The following NMT2 variants were observed in gnomAD, a reference collection of about 807,000 sequenced individuals.
NMT2 encodes the protein N-myristoyltransferase 2.
A neutral mutation model predicts 65.4 loss-of-function variants in NMT2; 35 were observed. That is an observed-to-expected ratio of 0.54 (90% CI 0.41 to 0.71). The LOEUF (loss-of-function observed/expected upper bound fraction) is 0.71. Among genes scored for constraint, NMT2 ranks in the 30% least tolerant of loss-of-function variants. NMT2 has a pLI of 0.00. For synonymous variants in NMT2, 226 were observed against 231.8 expected (o/e 0.98, Z 0.23); for missense variants, 489 against 611.3 (o/e 0.80, Z 2.11).
At chr10:15,137,884 A>T (rs1345764890) in intron 2 of NMT2, among the ~76,000 whole-genome samples, 1 of 152,122 alleles carries the variant, frequency 6.6e-6, no homozygotes, top group African/African-American at 2.4e-5. Flanking sequence ...CTTCAGAGTG[A>T]TTTATTCCCT....
chr10:15,112,210 ATATATATTTTTTTTTTTTTTTTTTTTT>A (rs1373178551), intron 10 of NMT2, among the ~76,000 whole-genome samples: 8 of 17,762 alleles, frequency 4.5e-4, no homozygotes, highest in Admixed American at 1.0e-3. Context: ...ATATATATAT[ATATATATTTTTTTTTTTTTTTTTTTTT>A]TTTTTTTTTT....
Position 15,108,135 on chromosome 10 carries a change from T to C in NMT2, c.*1060A>G, listed in dbSNP as rs1421805541. 18 of 985,182 alleles carry C rather than the reference T, an allele frequency of 1.8e-5. No homozygotes were observed. Among genetic ancestry groups the C allele is most frequent in the Non-Finnish European group, 2.0e-5 (17 of 829,904 alleles). The allele number at this position is 985,182 out of a possible 1,614,324, so 61.0% of individuals were successfully genotyped here. ...ATCCTTGATGTTGCTGAGAAGAAAC[T>C]GAACTTTGCACAACAGCAGAAAAGT... On this transcript the variant is annotated 3_prime_UTR_variant, in exon 12 of 12. Coordinates refer to ENST00000378165, the MANE Select transcript of NMT2 (RefSeq NM_004808.3).
In NMT2 at chr10:15,108,017, A is replaced by C; in HGVS notation, c.*1178T>G. On this transcript the variant is annotated 3_prime_UTR_variant, in exon 12 of 12. Transcript: ENST00000378165. ...ATGTGCAATTTTGCATAAGTAATAA[A>C]AACATTCAAACTATCAATGCCCTGA... 1 of 985,852 alleles carries C rather than the reference A, an allele frequency of 1.0e-6. No individual in the cohort carries two copies. The highest frequency in any genetic ancestry group is 1.2e-6 in the Non-Finnish European group (1 of 829,930). The allele number at this position is 985,852 out of a possible 1,614,324, so 61.1% of individuals were successfully genotyped here. A position where few individuals can be genotyped will look rare whatever the true frequency, so the allele number is the denominator to read the frequency against.
At chr10:15,118,897 G>GA (rs906219394) in intron 9 of NMT2, among the ~76,000 whole-genome samples, 1 of 152,206 alleles carries the variant, frequency 6.6e-6, no homozygotes, top group African/African-American at 2.4e-5. Flanking sequence ...ATATGCCCTG[G>GA]AAAGCAGTTC....
Position 15,106,720 on chromosome 10 carries a change from A to G in NMT2, c.*2475T>C. ...CTTTCTGTAAAAGACCAGAGAGTGA[A>G]TATCTTAGGCTTTGCAGGCCACACA... On this transcript the variant is annotated 3_prime_UTR_variant, in exon 12 of 12. Transcript: ENST00000378165. The G allele has an allele frequency of 1.1e-6, 1 of 897,332 alleles. No homozygotes were observed. The highest frequency in any genetic ancestry group is 1.3e-6 in the Non-Finnish European group (1 of 749,572). The allele number at this position is 897,332 out of a possible 1,614,324, so 55.6% of individuals were successfully genotyped here.
intron 1 of NMT2, among the ~76,000 whole-genome samples, chr10:15,156,299 CT>C (rs1281705377): frequency 6.6e-6 from 1 of 152,086 alleles, no homozygotes; most frequent in Non-Finnish European, 1.5e-5. Context: ...TTTCACCCCC[CT>C]CACTCTCATT....
chr10:15,145,757 A>T (rs143085108), intron 1 of NMT2, among the ~76,000 whole-genome samples: 147 of 152,168 alleles, frequency 9.7e-4, no homozygotes, highest in African/African-American at 3.3e-3. Context: ...GACAGGTGAC[A>T]CTCCTGTCCC....
intron 10 of NMT2, 24 bp downstream of exon 10, chr10:15,112,772 C>A: frequency 6.3e-7 from 1 of 1,588,850 alleles, no homozygotes; most frequent in Middle Eastern, 1.7e-4. Flanking sequence ...AACCAAACGG[C>A]GTGAACAGGA....
Position 15,168,626 on chromosome 10 carries a change from G to A in NMT2, c.-14C>T, listed in dbSNP as rs751870022. 9 of 1,569,284 alleles carry A rather than the reference G, an allele frequency of 5.7e-6. No homozygotes were observed. In the Admixed American group the frequency reaches 8.7e-5, roughly 15 times the overall value. On this transcript the variant is annotated 5_prime_UTR_variant, in exon 1 of 12. Coordinates refer to ENST00000378165, the MANE Select transcript of NMT2 (RefSeq NM_004808.3). ...GTCCTCCGCCATCGCGGCGGCGCTG[G>A]CTGGGGAGGCGGTGCTCGGGGCCGG...
In NMT2 at chr10:15,107,748, C is replaced by G. The variant is rs954504802; in HGVS notation, c.*1447G>C. 12 of 984,380 alleles carry G rather than the reference C, an allele frequency of 1.2e-5. No individual in the cohort carries two copies. Among genetic ancestry groups the G allele is most frequent in the Non-Finnish European group, 1.4e-5 (12 of 829,626 alleles). 61.0% of individuals were successfully genotyped at this position (984,380 alleles called of 1,614,324 possible). A position where few individuals can be genotyped will look rare whatever the true frequency, so the allele number is the denominator to read the frequency against. On this transcript the variant is annotated 3_prime_UTR_variant, in exon 12 of 12. Transcript: ENST00000378165. Reference sequence around the variant, plus strand: ...GGGATTACAGGCGTGAGCCACCACACCCAGCCAAGGCATCTACTTTGTGGT... The same window carrying G: ...GGGATTACAGGCGTGAGCCACCACAGCCAGCCAAGGCATCTACTTTGTGGT...
rs1589281460 is a variant in NMT2, at chr10:15,107,926, C to T, written c.*1269G>A. 36 of 984,994 alleles carry T rather than the reference C, an allele frequency of 3.7e-5. No homozygotes were observed. The highest frequency in any genetic ancestry group is 4.2e-5 in the Non-Finnish European group (35 of 829,198). The allele number at this position is 984,994 out of a possible 1,614,324, so 61.0% of individuals were successfully genotyped here. A position where few individuals can be genotyped will look rare whatever the true frequency, so the allele number is the denominator to read the frequency against. On this transcript the variant is annotated 3_prime_UTR_variant, in exon 12 of 12. Coordinates refer to ENST00000378165, the MANE Select transcript of NMT2 (RefSeq NM_004808.3). ...TAACAAAATTATGAATACTTATTTA[C>T]AAATAAGACATTTTCCATTAGCATG...
intron 8 of NMT2, among the ~76,000 whole-genome samples, chr10:15,120,749 A>C (rs1366233133): frequency 2.0e-5 from 3 of 152,224 alleles, no homozygotes; most frequent in Admixed American, 6.5e-5. Flanking sequence ...GCTGGATGGG[A>C]AGGCAAGCAT....
At chr10:15,123,608 A>G (rs1017668814) in intron 8 of NMT2, among the ~76,000 whole-genome samples, 2 of 152,036 alleles carry the variant, frequency 1.3e-5, no homozygotes, top group Admixed American at 1.3e-4. Context: ...TATTGTCCTC[A>G]GAAAGAACCA....
At chr10:15,125,619 T>A (rs1419142945) in intron 8 of NMT2, among the ~76,000 whole-genome samples, 1 of 152,070 alleles carries the variant, frequency 6.6e-6, no homozygotes, top group African/African-American at 2.4e-5. Flanking sequence ...AAAGAGGCAT[T>A]TTTGAAGTTT....
At chr10:15,161,695 A>G (rs577475856) in intron 1 of NMT2, among the ~76,000 whole-genome samples, 3 of 152,322 alleles carry the variant, frequency 2.0e-5, no homozygotes, top group Non-Finnish European at 2.9e-5. Flanking sequence ...ATGGAAACCC[A>G]TAAAAACAAT....
At chr10:15,118,140 G>T (rs111319749) in intron 9 of NMT2, among the ~76,000 whole-genome samples, 35 of 152,342 alleles carry the variant, frequency 2.3e-4, no homozygotes, top group African/African-American at 8.2e-4. Flanking sequence ...TAGCAACGAG[G>T]TCAGTGTGGT....
At chr10:15,134,364 T>A (rs1397806552) in intron 3 of NMT2, among the ~76,000 whole-genome samples, 2 of 152,182 alleles carry the variant, frequency 1.3e-5, no homozygotes, top group East Asian at 3.9e-4. Context: ...GGGGCAGGCC[T>A]CAGCTCAGGG....
rs1278699445 is a variant in NMT2, at chr10:15,127,570, A to T, written c.999+780T>A. 7.2e-4 allele frequency among the ~76,000 whole-genome samples: 53 copies of T among 73,784 alleles called. 4 individuals are homozygous for T. In the East Asian group the frequency reaches 0.011, roughly 15 times the overall value. 48.4% of individuals were successfully genotyped at this position (73,784 alleles called of 152,430 possible). On this transcript the variant is annotated intron_variant, in intron 8 of 11. Transcript: ENST00000378165. The stretch of plus-strand genomic sequence containing the variant: ...TCAAAAAAAAAAAAAAAAAAAAAAA[A>T]TAAATAAATAAATAAATAAATAAAT...
intron 8 of NMT2, among the ~76,000 whole-genome samples, chr10:15,121,649 G>T (rs1845935434): frequency 6.6e-6 from 1 of 152,174 alleles, no homozygotes; most frequent in Non-Finnish European, 1.5e-5. Flanking sequence ...TTACAGGTGT[G>T]AGCCACCACA....
Sources: allele counts gnomAD v4.1 joint callset (sites outside exome capture counted in the v4.1 genomes callset), GRCh38; gene constraint gnomAD v4.1.1; transcripts MANE v1.5; gene names NCBI Gene and HGNC (gene_info 2026-07-23, HGNC 2026-07-21).